RABGAP1L: variants seen among roughly 807,000 people sequenced by gnomAD.
RABGAP1L encodes the protein rab GTPase-activating protein 1-like.
Under a neutral mutation model 137.7 loss-of-function variants are expected in RABGAP1L, and 63 were observed. That is an observed-to-expected ratio of 0.46 (90% CI 0.37 to 0.56). RABGAP1L has a LOEUF of 0.56. Among genes scored for constraint, RABGAP1L ranks in the 20% least tolerant of loss-of-function variants. The pLI, the probability that RABGAP1L is intolerant of heterozygous loss-of-function variation, is 0.00. For missense variants in RABGAP1L, 1,095 were observed against 1,244.0 expected (o/e 0.88, Z 1.80); for synonymous variants, 431 against 433.7 (o/e 0.99, Z 0.08).
At chr1:174,424,767 T>C (rs1489623046) in intron 13 of RABGAP1L, among the ~76,000 whole-genome samples, 3 of 152,058 alleles carry the variant, frequency 2.0e-5, no homozygotes, top group African/African-American at 7.2e-5. Flanking sequence ...ATTTAACACA[T>C]TTTATTGACT....
chr1:174,959,357 TC>T (rs1301899787), intron 20 of RABGAP1L, among the ~76,000 whole-genome samples: 8 of 152,222 alleles, frequency 5.3e-5, no homozygotes, highest in African/African-American at 1.9e-4. Context: ...ATGAATAAAT[TC>T]TGTGAAGAGT....
At position 174,761,351 on chromosome 1, in the gene RABGAP1L, C is replaced by T. The variant is rs1436300606; in HGVS notation, c.2211+8997C>T. Among the ~76,000 whole-genome samples, 2 of 152,272 alleles carry T rather than the reference C, an allele frequency of 1.3e-5. No individual in the cohort carries two copies. ...TGCACAGCAGTCCGGCAGAGGCGCT[C>T]CTCACTTGCCAGACAGTGCGGGGGC... On this transcript the variant is annotated intron_variant, in intron 18 of 25. Coordinates refer to ENST00000681986, the MANE Select transcript of RABGAP1L (RefSeq NM_001366446.1). The surrounding 1 kb of genome is among the most constrained non-coding windows in gnomAD (Gnocchi z 4.0).
At chr1:174,628,527 GTTATT>G (rs1673087706) in intron 13 of RABGAP1L, among the ~76,000 whole-genome samples, 1 of 152,064 alleles carries the variant, frequency 6.6e-6, no homozygotes, top group South Asian at 2.1e-4. Flanking sequence ...TCTAAATAAT[GTTATT>G]TTAAGTAACA....
chr1:174,674,703 A>C (rs1282371193), intron 14 of RABGAP1L, among the ~76,000 whole-genome samples: 4 of 151,448 alleles, frequency 2.6e-5, no homozygotes, highest in Admixed American at 2.0e-4. Flanking sequence ...CAGTCCCACC[A>C]ACAGTGTAAA....
chr1:174,613,951 C>G (rs1557900611), intron 13 of RABGAP1L, among the ~76,000 whole-genome samples: 2 of 152,074 alleles, frequency 1.3e-5, no homozygotes. Context: ...CTATGTGTGT[C>G]TCTGCACATG....
At chr1:174,655,321 A>G (rs535853086) in intron 14 of RABGAP1L, among the ~76,000 whole-genome samples, 27 of 152,282 alleles carry the variant, frequency 1.8e-4, no homozygotes, top group African/African-American at 6.5e-4. Context: ...TCAACCTGGA[A>G]CCATTTCTTA....
At chr1:174,838,965 C>T (rs926128988) in intron 19 of RABGAP1L, among the ~76,000 whole-genome samples, 2 of 112,514 alleles carry the variant, frequency 1.8e-5, no homozygotes, top group Non-Finnish European at 3.5e-5. Context: ...TGACATGAGT[C>T]AGTAGAAGCC....
At chr1:174,311,701 G>A (rs982140685) in intron 11 of RABGAP1L, among the ~76,000 whole-genome samples, 11 of 152,124 alleles carry the variant, frequency 7.2e-5, no homozygotes, top group African/African-American at 2.7e-4. Flanking sequence ...CCGCCTCTTG[G>A]GTTCAAGCGA....
chr1:174,473,085 A>C (rs1383113090), intron 13 of RABGAP1L, among the ~76,000 whole-genome samples: 4 of 151,952 alleles, frequency 2.6e-5, no homozygotes, highest in Admixed American at 2.0e-4. Context: ...ATTTTTGAGA[A>C]GTGTTAGGAA....
chr1:174,718,713 TG>T (rs1483199158), intron 17 of RABGAP1L, among the ~76,000 whole-genome samples: 3 of 151,922 alleles, frequency 2.0e-5, no homozygotes, highest in Non-Finnish European at 4.4e-5. Context: ...AAACCCTCCA[TG>T]GGAAGGAGAG....
chr1:174,176,122 GC>G (rs201944564), intron 1 of RABGAP1L, among the ~76,000 whole-genome samples: 2,080 of 152,240 alleles, frequency 0.014, 36 homozygotes, highest in African/African-American at 0.047. Context: ...CTCATATGTA[GC>G]TTGTAAAGGG....
intron 13 of RABGAP1L, among the ~76,000 whole-genome samples, chr1:174,632,868 C>T (rs953877024): frequency 3.3e-5 from 5 of 150,978 alleles, no homozygotes; most frequent in African/African-American, 9.8e-5. Flanking sequence ...GTAATTTGAT[C>T]GTCTGAAGCC....
rs1324435838 is a variant in RABGAP1L, at chr1:174,318,579, G to GTTTTCTTTCTTTCT, written c.1465+13455_1465+13468dup. 4.7e-5 allele frequency among the ~76,000 whole-genome samples: 5 copies of GTTTTCTTTCTTTCT among 106,492 alleles called. No individual in the cohort carries two copies. In the East Asian group the frequency reaches 1.9e-3, roughly 40 times the overall value. 69.9% of individuals were successfully genotyped at this position (106,492 alleles called of 152,430 possible). ...GACTTTTTACTGCCATTTGGTGATTGTTTTCTTTCTTTCTTTCTTTCTTTC... is the reference window on the plus strand; with the variant it reads ...GACTTTTTACTGCCATTTGGTGATTGTTTTCTTTCTTTCTTTTTCTTTCTTTCTTTCTTTCTTTC... On this transcript the variant is annotated intron_variant, in intron 11 of 25. Transcript: ENST00000681986.
At chr1:174,183,198 GATCT>G (rs1666518162) in intron 1 of RABGAP1L, among the ~76,000 whole-genome samples, 1 of 152,150 alleles carries the variant, frequency 6.6e-6, no homozygotes, top group African/African-American at 2.4e-5. Flanking sequence ...ATATTTTCTT[GATCT>G]ATTATTAGCA....
intron 17 of RABGAP1L, among the ~76,000 whole-genome samples, chr1:174,748,855 A>T (rs1684091214): frequency 6.6e-6 from 1 of 151,826 alleles, no homozygotes; most frequent in African/African-American, 2.4e-5. Context: ...AGTCTGGGTG[A>T]CAGAACGAGA....
chr1:174,793,966 C>T (rs765545608), intron 18 of RABGAP1L, among the ~76,000 whole-genome samples: 5 of 151,944 alleles, frequency 3.3e-5, no homozygotes, highest in East Asian at 1.9e-4. Context: ...CAAAGTGCTG[C>T]GATTACAGGT....
intron 14 of RABGAP1L, among the ~76,000 whole-genome samples, chr1:174,662,108 T>TC (rs1676421880): frequency 4.4e-5 from 5 of 113,218 alleles, no homozygotes; most frequent in African/African-American, 1.1e-4. Flanking sequence ...TTTTCTTTTT[T>TC]TTTTTTTTTT....
At chr1:174,406,379 G>A (rs1339150461) in intron 13 of RABGAP1L, among the ~76,000 whole-genome samples, 2 of 152,096 alleles carry the variant, frequency 1.3e-5, no homozygotes, top group Non-Finnish European at 2.9e-5. Context: ...GTAAATTAAG[G>A]AAGATATAAC....
intron 14 of RABGAP1L, among the ~76,000 whole-genome samples, chr1:174,644,733 G>A (rs1178314032): frequency 6.6e-6 from 1 of 152,024 alleles, no homozygotes; most frequent in African/African-American, 2.4e-5. Flanking sequence ...ACAGAATTAT[G>A]AGGATTTATC....
Sources: gnomAD v4.1 joint callset for allele counts (sites outside exome capture counted in the v4.1 genomes callset) on GRCh38, gnomAD v4.1.1 for gene constraint, Gnocchi (gnomAD v3.1) non-coding constraint, MANE v1.5 for transcripts, NCBI Gene and HGNC (gene_info 2026-07-23, HGNC 2026-07-21) for gene names.